Variants in ACMSD observed in about 807,000 individuals in gnomAD.
ACMSD encodes 2-amino-3-carboxymuconate-6-semialdehyde decarboxylase.
Under a neutral mutation model 45.9 loss-of-function variants are expected in ACMSD, and 37 were observed. That is an observed-to-expected ratio of 0.81 (90% CI 0.62 to 1.06). The LOEUF is 1.06. ACMSD is among the 50% of genes least tolerant of loss of function. ACMSD has a pLI of 0.00. For synonymous variants in ACMSD, 138 were observed against 148.8 expected (o/e 0.93, Z 0.53); for missense variants, 434 against 420.9 (o/e 1.03, Z -0.27).
At chr2:134,891,036 C>A (rs1389378901) in intron 8 of ACMSD, among the ~76,000 whole-genome samples, 1 of 151,886 alleles carries the variant, frequency 6.6e-6, no homozygotes, top group Non-Finnish European at 1.5e-5. Context: ...GATATTAATA[C>A]CCTGTGTCAG....
chr2:134,895,667 C>T (rs938683753), intron 8 of ACMSD, among the ~76,000 whole-genome samples: 1 of 152,082 alleles, frequency 6.6e-6, no homozygotes, highest in African/African-American at 2.4e-5. Context: ...TTGAGACCAG[C>T]CTGGCCAACA....
At chr2:134,882,542 G>T (rs1439421930) in intron 8 of ACMSD, among the ~76,000 whole-genome samples, 1 of 152,180 alleles carries the variant, frequency 6.6e-6, no homozygotes, top group Non-Finnish European at 1.5e-5. Flanking sequence ...GTTAATGTTT[G>T]TTTAACTGAA....
At chr2:134,892,352 A>C (rs1274224982) in intron 8 of ACMSD, among the ~76,000 whole-genome samples, 2 of 152,068 alleles carry the variant, frequency 1.3e-5, no homozygotes, top group Non-Finnish European at 2.9e-5. Context: ...TAAAGGGATT[A>C]TTGACAAAGT....
intron 7 of ACMSD, 51 bp from the exon 8 acceptor site, chr2:134,872,418 G>A (rs767684014): frequency 4.4e-6 from 7 of 1,607,916 alleles, no homozygotes; most frequent in Non-Finnish European, 6.0e-6. Context: ...CAAGACTAAA[G>A]GAATCCTTTA....
At chr2:134,885,149 T>C (rs111674445) in intron 8 of ACMSD, among the ~76,000 whole-genome samples, 11 of 144,802 alleles carry the variant, frequency 7.6e-5, no homozygotes, top group Non-Finnish European at 1.6e-4. Flanking sequence ...TGAGCGGAGA[T>C]CATGCCACCG....
chr2:134,845,351 T>C, intron 2 of ACMSD, 74 bp downstream of exon 2: 3 of 1,551,804 alleles, frequency 1.9e-6, no homozygotes, highest in Non-Finnish European at 2.7e-6. Context: ...CACTGCAGGC[T>C]GGGCCTCCAG....
chr2:134,892,029 T>C (rs540414961), intron 8 of ACMSD, among the ~76,000 whole-genome samples: 1 of 152,200 alleles, frequency 6.6e-6, no homozygotes, highest in African/African-American at 2.4e-5. Context: ...CTAAATAATG[T>C]GTACACACAG....
At chr2:134,843,475 G>A (rs1330157224) in intron 1 of ACMSD, among the ~76,000 whole-genome samples, 2 of 152,152 alleles carry the variant, frequency 1.3e-5, no homozygotes, top group Non-Finnish European at 2.9e-5. Flanking sequence ...CACAGACAGA[G>A]ACACAAACAC....
Position 134,901,827 on chromosome 2 carries a change from AT to A in ACMSD, c.983del (p.Leu328TrpfsTer11), listed in dbSNP as rs1690518152. 7.5e-6 allele frequency: 12 copies of A among 1,601,304 alleles called. No homozygotes were observed. The highest frequency in any genetic ancestry group is 2.3e-5 in the South Asian group (2 of 88,862). On this transcript the variant is annotated frameshift_variant, in exon 10 of 10. Transcript: ENST00000356140. LOFTEE classifies it high-confidence loss of function. ...NKLKAGNALA[F>X]LGLERKQFE ...AACTCAAAGCCGGCAATGCCCTGGCATTTTTGGGTCTTGAGAGAAAACAATT... is the reference window on the plus strand; with the variant it reads ...AACTCAAAGCCGGCAATGCCCTGGCATTTTGGGTCTTGAGAGAAAACAATT...
chr2:134,843,450 G>A (rs895391094), intron 1 of ACMSD, among the ~76,000 whole-genome samples: 1 of 152,180 alleles, frequency 6.6e-6, no homozygotes, highest in African/African-American at 2.4e-5. Flanking sequence ...AGAAGCTGTT[G>A]AGGCAGACCC....
intron 3 of ACMSD, 25 bp downstream of exon 3, chr2:134,859,382 T>G: frequency 1.9e-6 from 3 of 1,596,094 alleles, no homozygotes; most frequent in East Asian, 2.2e-5. Context: ...GCTACCAATG[T>G]TAGCATCTGA....
chr2:134,892,981 G>A (rs1274024510), intron 8 of ACMSD, among the ~76,000 whole-genome samples: 3 of 152,164 alleles, frequency 2.0e-5, no homozygotes, highest in African/African-American at 7.2e-5. Flanking sequence ...CACAAATAGA[G>A]TGACAATGAC....
At chr2:134,890,601 G>A (rs1689725345) in intron 8 of ACMSD, among the ~76,000 whole-genome samples, 1 of 152,066 alleles carries the variant, frequency 6.6e-6, no homozygotes, top group African/African-American at 2.4e-5. Context: ...ATTTTGAGAA[G>A]TATACTGTGG....
intron 4 of ACMSD, among the ~76,000 whole-genome samples, chr2:134,862,303 G>C (rs1687884761): frequency 6.6e-6 from 1 of 152,132 alleles, no homozygotes; most frequent in Non-Finnish European, 1.5e-5. Context: ...TTACCTGTCT[G>C]GTGACTCATT....
intron 2 of ACMSD, chr2:134,857,852 C>T (rs1295682840): frequency 6.8e-6 from 1 of 147,692 alleles, no homozygotes; most frequent in Non-Finnish European, 1.5e-5. Context: ...TGTTGATCAA[C>T]AATAAAGTTC....
At chr2:134,898,599 A>C (rs190923330) in intron 9 of ACMSD, among the ~76,000 whole-genome samples, 160 bp downstream of exon 9, 68 of 152,264 alleles carry the variant, frequency 4.5e-4, no homozygotes, top group Non-Finnish European at 1.0e-4. Flanking sequence ...TAAACTATTA[A>C]AGGACAAAAA....
At chr2:134,899,985 A>G (rs183584863) in intron 9 of ACMSD, among the ~76,000 whole-genome samples, 1 of 152,332 alleles carries the variant, frequency 6.6e-6, no homozygotes, top group East Asian at 1.9e-4. Flanking sequence ...TGGAACATAA[A>G]CAAGAAACTG....
chr2:134,867,701 A>T (rs765379959), intron 6 of ACMSD, 29 bp downstream of exon 6: 1 of 1,586,916 alleles, frequency 6.3e-7, no homozygotes. Context: ...TCTGGAACAG[A>T]GGACCAACTC....
At position 134,901,949 on chromosome 2, in the gene ACMSD, T is replaced by G. The variant is rs960350057; in HGVS notation, c.*89T>G. 26 of 890,236 alleles carry G rather than the reference T, an allele frequency of 2.9e-5. No homozygotes were observed. The East Asian group carries it at 6.3e-4, about 22-fold the overall frequency. 55.1% of individuals were successfully genotyped at this position (890,236 alleles called of 1,614,324 possible). A position where few individuals can be genotyped will look rare whatever the true frequency, so the allele number is the denominator to read the frequency against. The stretch of plus-strand genomic sequence containing the variant: ...AACAGGTATCAACAAAATCCTATTT[T>G]GAACTATTTTACTCAGAAATGAATG... On this transcript the variant is annotated 3_prime_UTR_variant, in exon 10 of 10. Transcript: ENST00000356140.
Sources: gnomAD v4.1 joint callset for allele counts (sites outside exome capture counted in the v4.1 genomes callset) on GRCh38, gnomAD v4.1.1 for gene constraint, MANE v1.5 for transcripts, NCBI Gene and HGNC (gene_info 2026-07-23, HGNC 2026-07-21) for gene names.